Variants in TFCP2 observed in about 807,000 individuals in gnomAD.
TFCP2 encodes the protein transcription factor CP2.
TFCP2 carries 33 observed loss-of-function variants against 73.4 expected under a neutral mutation model. The ratio of observed to expected loss-of-function variants is 0.45; its 90% CI spans 0.34 to 0.60. The LOEUF is 0.60. Ranked by LOEUF, TFCP2 falls within the 20% of genes least tolerant of loss-of-function variation. The pLI, the probability that TFCP2 is intolerant of heterozygous loss-of-function variation, is 0.01. For synonymous variants in TFCP2, 193 were observed against 211.6 expected (o/e 0.91, Z 0.76); for missense variants, 352 against 604.0 (o/e 0.58, Z 4.37).
intron 1 of TFCP2, among the ~76,000 whole-genome samples, chr12:51,160,100 C>T (rs1213487006): frequency 6.6e-6 from 1 of 151,126 alleles, no homozygotes; most frequent in African/African-American, 2.4e-5. Context: ...TCTGGTACCT[C>T]CTACTTTATC....
At chr12:51,153,154 G>T (rs962211808) in intron 1 of TFCP2, among the ~76,000 whole-genome samples, 1 of 152,206 alleles carries the variant, frequency 6.6e-6, no homozygotes, top group African/African-American at 2.4e-5. Flanking sequence ...AAGGCAGGGG[G>T]ATGGCTTGAG....
At chr12:51,113,799 G>T (rs917064648) in intron 4 of TFCP2, among the ~76,000 whole-genome samples, 3 of 152,148 alleles carry the variant, frequency 2.0e-5, no homozygotes, top group Non-Finnish European at 4.4e-5. Context: ...CATTCAGTGG[G>T]GGAAAGAACA....
In TFCP2 at chr12:51,096,014, T is replaced by C; in HGVS notation, c.1446A>G (p.Ala482=). 3 of 1,613,306 alleles carry C rather than the reference T, an allele frequency of 1.9e-6. No individual in the cohort carries two copies. Among genetic ancestry groups the C allele is most frequent in the Non-Finnish European group, 2.5e-6 (3 of 1,179,724 alleles). ...CTTTCATTGTGTCCAGAATAAAACA[T>C]GCTTCTTCCTGAAAGTTCTGTATCA... ...DEMIQNFQEE[A]CFILDTMKAE... is the part of the protein sequence containing the mutation. Residue 482 remains alanine (A), a synonymous_variant, in exon 14 of 15, where the codon GCA becomes GCG. Transcript: ENST00000257915.
intron 1 of TFCP2, among the ~76,000 whole-genome samples, chr12:51,165,555 A>G (rs1941739577): frequency 6.6e-6 from 1 of 152,162 alleles, no homozygotes; most frequent in South Asian, 2.1e-4. Flanking sequence ...AGAGTAGTCA[A>G]ATTCATAGAC....
In TFCP2 at chr12:51,161,035, A is replaced by C. The variant is rs550933519; in HGVS notation, c.122+11266T>G. Among the ~76,000 whole-genome samples the C allele has an allele frequency of 5.9e-5, 9 of 152,300 alleles. No homozygotes were observed. In the East Asian group the frequency reaches 1.7e-3, roughly 29 times the overall value. ...CGACTGAAGTTGCCTACCTAGTGGC[A>C]CTAGACAAGTGAACTTAAAGGGAGA... On this transcript the variant is annotated intron_variant, in intron 1 of 14. Coordinates refer to ENST00000257915, the MANE Select transcript of TFCP2 (RefSeq NM_005653.5).
At position 51,173,006 on chromosome 12, in the gene TFCP2, C is replaced by G. The variant is rs1941894151; in HGVS notation, c.-584G>C. 1 of 154,098 alleles carries G rather than the reference C, an allele frequency of 6.5e-6. No homozygotes were observed. The highest frequency in any genetic ancestry group is 1.4e-5 in the Non-Finnish European group (1 of 69,128). 9.5% of individuals were successfully genotyped at this position (154,098 alleles called of 1,614,324 possible). ...CGACTTCTCGCCCTCTGTAGCCCCC[C>G]ACGGCCTGGAAACATGGAAGGAGAA... On this transcript the variant is annotated 5_prime_UTR_variant, in exon 1 of 15. Coordinates refer to ENST00000257915, the MANE Select transcript of TFCP2 (RefSeq NM_005653.5).
intron 1 of TFCP2, among the ~76,000 whole-genome samples, chr12:51,153,456 C>A (rs1941472561): frequency 6.6e-6 from 1 of 151,620 alleles, no homozygotes; most frequent in Non-Finnish European, 1.5e-5. Flanking sequence ...ATATTTTAAC[C>A]ATTTTTAAGT....
chr12:51,112,091 G>A (rs1215661457), intron 4 of TFCP2, among the ~76,000 whole-genome samples: 1 of 152,134 alleles, frequency 6.6e-6, no homozygotes, highest in East Asian at 1.9e-4. Context: ...CCAGGGAGGC[G>A]GAGGTTGCAG....
At chr12:51,162,299 C>A (rs942262582) in intron 1 of TFCP2, among the ~76,000 whole-genome samples, 2 of 151,902 alleles carry the variant, frequency 1.3e-5, no homozygotes, top group Non-Finnish European at 2.9e-5. Flanking sequence ...TACAAAAATT[C>A]GCCAGGCGTG....
intron 1 of TFCP2, among the ~76,000 whole-genome samples, chr12:51,126,197 C>T (rs1454346624): frequency 7.6e-5 from 10 of 131,614 alleles, no homozygotes; most frequent in Admixed American, 6.8e-4. Context: ...TGCGCTACTG[C>T]ACTCCAGCCT....
intron 1 of TFCP2, 114 bp from the exon 2 acceptor site, chr12:51,118,886 T>A: frequency 1.6e-6 from 2 of 1,222,040 alleles, no homozygotes; most frequent in Non-Finnish European, 2.3e-6. Flanking sequence ...CTCACCTTGG[T>A]GGAGTTTCAT....
At chr12:51,137,240 C>G (rs561819047) in intron 1 of TFCP2, among the ~76,000 whole-genome samples, 1 of 152,060 alleles carries the variant, frequency 6.6e-6, no homozygotes, top group Admixed American at 6.5e-5. Context: ...CCTTTTTTTG[C>G]CTCAAGTCTT....
rs1182802576 is a variant in TFCP2, at chr12:51,094,050, G to C, written c.*1191C>G. On this transcript the variant is annotated 3_prime_UTR_variant, in exon 15 of 15. Coordinates refer to ENST00000257915, the MANE Select transcript of TFCP2 (RefSeq NM_005653.5). ...AAGAACAAAAACATGGTAAGAGTGTGAACAGGAAGGGAATGCATCTTTTTT... is the reference window on the plus strand; with the variant it reads ...AAGAACAAAAACATGGTAAGAGTGTCAACAGGAAGGGAATGCATCTTTTTT... 6.6e-6 allele frequency: 1 copy of C among 152,028 alleles called. No individual in the cohort carries two copies. The highest frequency in any genetic ancestry group is 2.1e-4 in the South Asian group (1 of 4,826). The allele number at this position is 152,028 out of a possible 1,614,324, so 9.4% of individuals were successfully genotyped here.
chr12:51,117,624 A>G, intron 3 of TFCP2, 47 bp downstream of exon 3: 1 of 1,446,178 alleles, frequency 6.9e-7, no homozygotes, highest in Non-Finnish European at 9.6e-7. Flanking sequence ...AAATCCCAAA[A>G]GGATTAGTAA....
chr12:51,163,845 A>C (rs996795975), intron 1 of TFCP2, among the ~76,000 whole-genome samples: 3 of 152,146 alleles, frequency 2.0e-5, no homozygotes, highest in Non-Finnish European at 2.9e-5. Flanking sequence ...CTAGAAAAAG[A>C]AGCACAAACT....
intron 14 of TFCP2, among the ~76,000 whole-genome samples, chr12:51,095,636 G>A (rs559335777): frequency 7.0e-4 from 106 of 151,854 alleles, no homozygotes; most frequent in African/African-American, 2.5e-3. Context: ...CCAACAAGGT[G>A]AAACCCATCT....
intron 2 of TFCP2, among the ~76,000 whole-genome samples, chr12:51,118,318 G>C (rs1434355846): frequency 6.6e-6 from 1 of 152,196 alleles, no homozygotes; most frequent in Non-Finnish European, 1.5e-5. Context: ...ACTTTGGGAG[G>C]CCAAGGCAGG....
intron 1 of TFCP2, among the ~76,000 whole-genome samples, chr12:51,161,605 G>A (rs772143800): frequency 5.3e-5 from 8 of 151,234 alleles, no homozygotes; most frequent in Non-Finnish European, 7.4e-5. Flanking sequence ...GCTTGGACCC[G>A]GGAGGCAGAG....
At chr12:51,113,585 C>A (rs539020222) in intron 4 of TFCP2, among the ~76,000 whole-genome samples, 1 of 152,238 alleles carries the variant, frequency 6.6e-6, no homozygotes, top group South Asian at 2.1e-4. Context: ...AATATCAGAT[C>A]CTGAGCAGCC....
Sources: gnomAD v4.1 joint callset for allele counts (sites outside exome capture counted in the v4.1 genomes callset) on GRCh38, gnomAD v4.1.1 for gene constraint, MANE v1.5 for transcripts, NCBI Gene and HGNC (gene_info 2026-07-23, HGNC 2026-07-21) for gene names.